INPP5A: variants seen among roughly 807,000 people sequenced by gnomAD.
The protein encoded by INPP5A is inositol polyphosphate-5-phosphatase A.
In INPP5A, 14 loss-of-function variants were observed where a neutral mutation model predicts 65.2. That is an observed-to-expected ratio of 0.21 (90% confidence interval 0.14 to 0.34). The LOEUF (loss-of-function observed/expected upper bound fraction) is 0.34, where lower values mean the gene tolerates loss of function less well. Ranked by LOEUF, INPP5A falls within the 10% of genes least tolerant of loss-of-function variation. The probability of loss-of-function intolerance (pLI) is 1.00; values close to 1 mark genes in which losing one functional copy is unlikely to be tolerated. For synonymous variants in INPP5A, 207 were observed against 208.3 expected (o/e 0.99, Z 0.05); for missense variants, 431 against 545.6 (o/e 0.79, Z 2.09).
Position 132,655,186 on chromosome 10 carries a change from C to T in INPP5A, c.306+4681C>T, listed in dbSNP as rs147385575. 2.8e-3 allele frequency among the ~76,000 whole-genome samples: 434 copies of T among 152,344 alleles called. 2 individuals carry two copies. The highest frequency in any genetic ancestry group is 5.1e-3 in the Non-Finnish European group (349 of 68,022). ...GGCTGGAAGACACCTGAGTGCCAGGCGGTCTGTGTGCCTCATCCCTGAAGC... is the reference window on the plus strand; with the variant it reads ...GGCTGGAAGACACCTGAGTGCCAGGTGGTCTGTGTGCCTCATCCCTGAAGC... On this transcript the variant is annotated intron_variant, in intron 4 of 15. Coordinates refer to ENST00000368594, the MANE Select transcript of INPP5A (RefSeq NM_005539.5).
intron 4 of INPP5A, among the ~76,000 whole-genome samples, chr10:132,671,751 G>A (rs1363106512): frequency 6.6e-6 from 1 of 152,236 alleles, no homozygotes; most frequent in South Asian, 2.1e-4. Flanking sequence ...GCAGCCCTAT[G>A]AAGTGGGTAC....
chr10:132,743,489 G>A (rs566175773), intron 9 of INPP5A, among the ~76,000 whole-genome samples: 17 of 152,356 alleles, frequency 1.1e-4, no homozygotes, highest in African/African-American at 3.8e-4. Flanking sequence ...CCCCTTGCGC[G>A]AACCCTGGAG....
At chr10:132,669,792 G>A (rs1564957097) in intron 4 of INPP5A, among the ~76,000 whole-genome samples, 1 of 152,030 alleles carries the variant, frequency 6.6e-6, no homozygotes, top group Non-Finnish European at 1.5e-5. Flanking sequence ...CGTGAGCGTG[G>A]ACCTGGGTTT....
In INPP5A at chr10:132,562,613, C is replaced by T. The variant is rs989630433; in HGVS notation, c.75+24442C>T. 1.1e-4 allele frequency among the ~76,000 whole-genome samples: 16 copies of T among 152,380 alleles called. No homozygotes were observed. The East Asian group carries it at 1.3e-3, about 13-fold the overall frequency. ...TGAAACATGGTGCGTGTTGCACACA[C>T]GGCACGAGTGTGGCCAGTATGAACT... On this transcript the variant is annotated intron_variant, in intron 1 of 15. Transcript: ENST00000368594.
chr10:132,657,241 T>G (rs2072668798), intron 4 of INPP5A, among the ~76,000 whole-genome samples: 1 of 152,218 alleles, frequency 6.6e-6, no homozygotes, highest in South Asian at 2.1e-4. Flanking sequence ...AACCGGGGGC[T>G]TACCCCTCTC....
chr10:132,751,666 G>GTGGAGGCAGGTGCCCAGGAGGTGTCTTCA (rs1846480159), intron 11 of INPP5A, among the ~76,000 whole-genome samples: 2 of 150,280 alleles, frequency 1.3e-5, no homozygotes, highest in Non-Finnish European at 3.0e-5. Context: ...AGGTGTCTTC[G>GTGGAGGCAGGTGCCCAGGAGGTGTCTTCA]TGGAGGCGAG....
chr10:132,689,871 G>C (rs1845227989), intron 4 of INPP5A, among the ~76,000 whole-genome samples: 1 of 152,276 alleles, frequency 6.6e-6, no homozygotes, highest in Admixed American at 6.5e-5. Flanking sequence ...GCAGCTCCTG[G>C]GGCGATGGGG....
chr10:132,595,393 C>T (rs543546411), intron 1 of INPP5A, among the ~76,000 whole-genome samples: 12 of 152,242 alleles, frequency 7.9e-5, no homozygotes, highest in Non-Finnish European at 1.8e-4. Context: ...TAAATCTTTA[C>T]TTTGATAACA....
At chr10:132,645,796 G>A in intron 2 of INPP5A, 72 bp from the exon 3 acceptor site, 5 of 1,204,190 alleles carry the variant, frequency 4.2e-6, no homozygotes, top group East Asian at 5.1e-5. Flanking sequence ...TGGGGGCGGT[G>A]GAGGGGGTGG....
intron 1 of INPP5A, among the ~76,000 whole-genome samples, chr10:132,599,038 G>A (rs1471050052): frequency 6.6e-6 from 1 of 152,120 alleles, no homozygotes; most frequent in Non-Finnish European, 1.5e-5. Flanking sequence ...AGTGAGATTT[G>A]GGTGGGGACA....
At chr10:132,612,896 G>T (rs1486155778) in intron 2 of INPP5A, among the ~76,000 whole-genome samples, 1 of 152,168 alleles carries the variant, frequency 6.6e-6, no homozygotes, top group African/African-American at 2.4e-5. Flanking sequence ...CGGCAGTGGG[G>T]ATGGGTCCTG....
In INPP5A at chr10:132,676,543, T is replaced by C. The variant is rs962600723; in HGVS notation, c.307-13849T>C. 6.6e-6 allele frequency among the ~76,000 whole-genome samples: 1 copy of C among 152,198 alleles called. No homozygotes were observed. The highest frequency in any genetic ancestry group is 1.5e-5 in the Non-Finnish European group (1 of 68,040). Reference sequence around the variant, plus strand: ...CCCTTTTGAAAAGCAAGGTCCATGATAATGGGCTGAACACAAGCAGGTGAC... The same window carrying C: ...CCCTTTTGAAAAGCAAGGTCCATGACAATGGGCTGAACACAAGCAGGTGAC... On this transcript the variant is annotated intron_variant, in intron 4 of 15. Coordinates refer to ENST00000368594, the MANE Select transcript of INPP5A (RefSeq NM_005539.5). The surrounding 1 kb of genome is among the most constrained non-coding windows in gnomAD (Gnocchi z 4.0).
Position 132,546,203 on chromosome 10 carries a change from G to A in INPP5A, c.75+8032G>A, listed in dbSNP as rs999938205. ...GGTTGGGGCTGGACACCACTTCTGG[G>A]GCAGGTCTAGGGTGATGGCGCTCCC... On this transcript the variant is annotated intron_variant, in intron 1 of 15. Coordinates refer to ENST00000368594, the MANE Select transcript of INPP5A (RefSeq NM_005539.5). The surrounding 1 kb of genome is among the most constrained non-coding windows in gnomAD (Gnocchi z 5.7). 6.6e-5 allele frequency among the ~76,000 whole-genome samples: 10 copies of A among 152,238 alleles called. No homozygotes were observed. The highest frequency in any genetic ancestry group is 1.0e-4 in the Non-Finnish European group (7 of 68,030).
At chr10:132,772,674 C>T (rs531464044) in intron 12 of INPP5A, among the ~76,000 whole-genome samples, 1 of 119,050 alleles carries the variant, frequency 8.4e-6, no homozygotes. Flanking sequence ...CCACGGCAGC[C>T]GCCCCACGAA....
chr10:132,684,430 CTATAGTG>C (rs566912930), intron 4 of INPP5A, among the ~76,000 whole-genome samples: 166 of 152,212 alleles, frequency 1.1e-3, no homozygotes, highest in African/African-American at 3.8e-3. Flanking sequence ...GTATGTTTGT[CTATAGTG>C]TATATGGATG....
intron 1 of INPP5A, among the ~76,000 whole-genome samples, chr10:132,543,686 G>A (rs1315882193): frequency 6.6e-6 from 1 of 152,254 alleles, no homozygotes; most frequent in Non-Finnish European, 1.5e-5. Flanking sequence ...CCAAAGTGCT[G>A]GGCTTACAGG....
In INPP5A at chr10:132,780,832, C is replaced by CT. The variant is rs779006106; in HGVS notation, c.1090-16dup. ...GCCCCACCTCCCCACACTCACCTGT[C>CT]TGTTTCCCCTTTCCAGTCGGAGAGC... is the stretch of plus-strand genomic sequence containing the variant. On this transcript the variant is annotated splice_polypyrimidine_tract_variant and intron_variant, in intron 13 of 15. Coordinates refer to ENST00000368594, the MANE Select transcript of INPP5A (RefSeq NM_005539.5). 7 of 1,612,104 alleles carry CT rather than the reference C, an allele frequency of 4.3e-6. No homozygotes were observed. The East Asian group carries it at 1.3e-4, about 31-fold the overall frequency.
At chr10:132,747,464 G>A (rs564123205) in intron 9 of INPP5A, among the ~76,000 whole-genome samples, 2 of 152,392 alleles carry the variant, frequency 1.3e-5, no homozygotes, top group East Asian at 1.9e-4. Context: ...CCACCAGGAG[G>A]TAGACGCTGC....
chr10:132,769,367 C>T (rs1346562747), intron 12 of INPP5A, among the ~76,000 whole-genome samples: 3 of 152,148 alleles, frequency 2.0e-5, no homozygotes, highest in South Asian at 4.1e-4. Flanking sequence ...AGTGAGCAGG[C>T]GGGAAGGAGG....
Sources: allele counts gnomAD v4.1 joint callset (sites outside exome capture counted in the v4.1 genomes callset), GRCh38; gene constraint gnomAD v4.1.1; non-coding constraint Gnocchi (gnomAD v3.1); transcripts MANE v1.5; gene names NCBI Gene and HGNC (gene_info 2026-07-23, HGNC 2026-07-21).